Variants in RALYL observed in about 807,000 individuals in gnomAD.
RALYL encodes the protein RNA-binding Raly-like protein.
Under a neutral mutation model 35.1 loss-of-function variants are expected in RALYL, and 29 were observed. The ratio of observed to expected loss-of-function variants is 0.83; its 90% CI spans 0.61 to 1.13. The LOEUF is 1.13. RALYL is among the 50% of genes most tolerant of loss of function. RALYL has a pLI of 0.00. For missense variants in RALYL, 359 were observed against 360.4 expected (o/e 1.00, Z 0.03); for synonymous variants, 120 against 127.6 (o/e 0.94, Z 0.40).
chr8:84,907,526 TAGAA>T (rs914922384), intron 8 of RALYL, among the ~76,000 whole-genome samples: 1 of 152,104 alleles, frequency 6.6e-6, no homozygotes, highest in African/African-American at 2.4e-5. Flanking sequence ...TAACTGATTT[TAGAA>T]AGATTAAGTA....
intron 1 of RALYL, among the ~76,000 whole-genome samples, chr8:84,399,324 A>G (rs2042664152): frequency 1.3e-5 from 2 of 152,362 alleles, no homozygotes; most frequent in African/African-American, 4.8e-5. Flanking sequence ...ATAGCTAGAC[A>G]GTTACATGGA....
At position 84,913,028 on chromosome 8, in the gene RALYL, AT is replaced by A. The variant is rs1847788960; in HGVS notation, c.859-7865del. Among the ~76,000 whole-genome samples the A allele has an allele frequency of 5.2e-5, 4 of 77,668 alleles. No individual in the cohort carries two copies. The East Asian group carries it at 1.5e-3, about 29-fold the overall frequency. The allele number at this position is 77,668 out of a possible 152,430, so 51.0% of individuals were successfully genotyped here. On this transcript the variant is annotated intron_variant, in intron 8 of 8. Transcript: ENST00000521268. ...GATGGATGGATGGATGGATGGATGGATGGATAGGTAGGTAGATAGATAGATA... is the reference window on the plus strand; with the variant it reads ...GATGGATGGATGGATGGATGGATGGAGGATAGGTAGGTAGATAGATAGATA...
intron 1 of RALYL, among the ~76,000 whole-genome samples, chr8:84,506,344 C>G (rs914082582): frequency 6.6e-6 from 1 of 151,558 alleles, no homozygotes; most frequent in Non-Finnish European, 1.5e-5. Context: ...TGAACCAAGG[C>G]CACCTGATTC....
chr8:84,876,480 A>G (rs1488591532), intron 7 of RALYL, among the ~76,000 whole-genome samples: 2 of 152,238 alleles, frequency 1.3e-5, no homozygotes, highest in African/African-American at 4.8e-5. Context: ...AGAGCCGCAT[A>G]TAAGTTGCCA....
At chr8:84,629,185 A>G (rs1307868096) in intron 2 of RALYL, among the ~76,000 whole-genome samples, 6 of 152,004 alleles carry the variant, frequency 3.9e-5, no homozygotes, top group Non-Finnish European at 8.8e-5. Flanking sequence ...TATTTATCTG[A>G]CTATTGACTG....
intron 1 of RALYL, among the ~76,000 whole-genome samples, chr8:84,253,972 TC>T (rs1830737747): frequency 2.6e-5 from 4 of 152,302 alleles, no homozygotes; most frequent in South Asian, 2.1e-4. Context: ...AAATATTATT[TC>T]TCATATTTTT....
At chr8:84,876,760 A>T (rs920144735) in intron 7 of RALYL, among the ~76,000 whole-genome samples, 15 of 152,192 alleles carry the variant, frequency 9.9e-5, no homozygotes, top group African/African-American at 3.6e-4. Context: ...TTCCAGTGAT[A>T]ACATTGGGAT....
intron 8 of RALYL, among the ~76,000 whole-genome samples, chr8:84,890,658 C>G (rs868127246): frequency 3.9e-5 from 6 of 152,202 alleles, no homozygotes; most frequent in Admixed American, 1.3e-4. Flanking sequence ...CTAAATTATA[C>G]TGATGCTGCT....
intron 1 of RALYL, among the ~76,000 whole-genome samples, chr8:84,514,090 TAA>T (rs57881021): frequency 2.6e-3 from 105 of 41,158 alleles, no homozygotes; most frequent in African/African-American, 7.1e-3. Context: ...AGATTTCATC[TAA>T]AAAAAAAAAA....
intron 1 of RALYL, among the ~76,000 whole-genome samples, chr8:84,229,975 A>G (rs965893269): frequency 6.6e-6 from 1 of 152,164 alleles, no homozygotes; most frequent in Non-Finnish European, 1.5e-5. Context: ...GAAAATTGCT[A>G]AAATAATATT....
At chr8:84,859,415 C>T (rs952189267) in intron 5 of RALYL, among the ~76,000 whole-genome samples, 4 of 152,146 alleles carry the variant, frequency 2.6e-5, no homozygotes, top group Non-Finnish European at 2.9e-5. Flanking sequence ...TCCCTGCCTC[C>T]AGACCCTATT....
intron 1 of RALYL, among the ~76,000 whole-genome samples, chr8:84,312,380 C>T (rs1369056180): frequency 6.6e-6 from 1 of 152,164 alleles, no homozygotes; most frequent in Non-Finnish European, 1.5e-5. Flanking sequence ...CCAGTCATGC[C>T]TTCCCAACAG....
intron 2 of RALYL, among the ~76,000 whole-genome samples, chr8:84,710,461 C>G (rs1841991371): frequency 6.6e-6 from 1 of 151,966 alleles, no homozygotes; most frequent in African/African-American, 2.4e-5. Flanking sequence ...ACCACCATGG[C>G]TGGCTCATTT....
intron 2 of RALYL, among the ~76,000 whole-genome samples, chr8:84,541,673 G>T (rs1034024011): frequency 1.3e-5 from 2 of 151,870 alleles, no homozygotes; most frequent in Admixed American, 1.3e-4. Flanking sequence ...TGTGAATTAC[G>T]ATTATGGATC....
At chr8:84,325,714 G>C (rs1257880092) in intron 1 of RALYL, among the ~76,000 whole-genome samples, 1 of 152,160 alleles carries the variant, frequency 6.6e-6, no homozygotes, top group Admixed American at 6.6e-5. Context: ...ATCTGAGATG[G>C]CCTGACTCTT....
At chr8:84,290,850 T>C (rs1267759814) in intron 1 of RALYL, among the ~76,000 whole-genome samples, 1 of 152,196 alleles carries the variant, frequency 6.6e-6, no homozygotes, top group Non-Finnish European at 1.5e-5. Context: ...CCATAAATCA[T>C]TGGAGAAAAG....
At chr8:84,224,082 C>T (rs1248274067) in intron 1 of RALYL, among the ~76,000 whole-genome samples, 2 of 152,102 alleles carry the variant, frequency 1.3e-5, no homozygotes, top group African/African-American at 4.8e-5. Flanking sequence ...CTAATACCAC[C>T]CTTATACATA....
chr8:84,433,583 A>C (rs2047369966), intron 1 of RALYL, among the ~76,000 whole-genome samples: 1 of 151,912 alleles, frequency 6.6e-6, no homozygotes, highest in Admixed American at 6.6e-5. Flanking sequence ...CTGATGGTGA[A>C]TAGGTCTCAC....
At chr8:84,444,820 G>A (rs1342695932) in intron 1 of RALYL, among the ~76,000 whole-genome samples, 1 of 152,018 alleles carries the variant, frequency 6.6e-6, no homozygotes, top group African/African-American at 2.4e-5. Context: ...ATGCCATTTT[G>A]TTTTGGCACC....
Sources: gnomAD v4.1 joint callset for allele counts (sites outside exome capture counted in the v4.1 genomes callset) on GRCh38, gnomAD v4.1.1 for gene constraint, MANE v1.5 for transcripts, NCBI Gene and HGNC (gene_info 2026-07-23, HGNC 2026-07-21) for gene names.